The following ILDR2 variants were observed in gnomAD, a reference collection of about 807,000 sequenced individuals.
ILDR2 encodes immunoglobulin like domain containing receptor 2.
In ILDR2, 25 loss-of-function variants were observed where a neutral mutation model predicts 66.8. The ratio of observed to expected loss-of-function variants is 0.37; its 90% CI spans 0.27 to 0.52. The LOEUF is 0.52. Ranked by LOEUF, ILDR2 falls within the 20% of genes least tolerant of loss-of-function variation. ILDR2 has a pLI of 0.88. For synonymous variants in ILDR2, 367 were observed against 357.2 expected (o/e 1.03, Z -0.31); for missense variants, 827 against 876.8 (o/e 0.94, Z 0.72).
At chr1:166,961,821 A>C (rs1190051358) in intron 1 of ILDR2, among the ~76,000 whole-genome samples, 3 of 152,200 alleles carry the variant, frequency 2.0e-5, no homozygotes, top group Admixed American at 6.5e-5. Flanking sequence ...CAGGGCAAAA[A>C]CTGCACAAGA....
intron 1 of ILDR2, among the ~76,000 whole-genome samples, chr1:166,974,366 T>C (rs1252700748): frequency 2.0e-5 from 3 of 152,104 alleles, no homozygotes; most frequent in Non-Finnish European, 2.9e-5. Context: ...TGTATCCCTA[T>C]GGGAATCGGA....
intron 6 of ILDR2, among the ~76,000 whole-genome samples, chr1:166,931,967 G>A (rs1399153448): frequency 1.3e-5 from 2 of 152,186 alleles, no homozygotes; most frequent in African/African-American, 2.4e-5. Flanking sequence ...GTATTGAGGA[G>A]CAAAAGAGAG....
rs59745587 is a variant in ILDR2 at position 166,973,612 on chromosome 1, T to TC, written c.46+1610dup. 2.9e-3 allele frequency among the ~76,000 whole-genome samples: 188 copies of TC among 64,990 alleles called. 6 individuals carry two copies. The highest frequency in any genetic ancestry group is 4.6e-3 in the South Asian group (7 of 1,508). 42.6% of individuals were successfully genotyped at this position (64,990 alleles called of 152,430 possible). A position where few individuals can be genotyped will look rare whatever the true frequency, so the allele number is the denominator to read the frequency against. ...AGAGCACCTCTGACTCAGGGACCCCTCCCCCCCCCCCCCGATGCCTGGCTG... is the reference window on the plus strand; with the variant it reads ...AGAGCACCTCTGACTCAGGGACCCCTCCCCCCCCCCCCCCGATGCCTGGCTG... On this transcript the variant is annotated intron_variant, in intron 1 of 9. Coordinates refer to ENST00000271417, the MANE Select transcript of ILDR2 (RefSeq NM_199351.3).
At position 166,909,804 on chromosome 1, in the gene ILDR2, T is replaced by TAC. The variant is rs1659436797; in HGVS notation, c.*9550_*9551insGT. 2 of 134,932 alleles carry TAC rather than the reference T, an allele frequency of 1.5e-5. No individual in the cohort carries two copies. Among genetic ancestry groups the TAC allele is most frequent in the Non-Finnish European group, 3.1e-5 (2 of 64,062 alleles). The allele number at this position is 134,932 out of a possible 1,614,324, so 8.4% of individuals were successfully genotyped here. A position where few individuals can be genotyped will look rare whatever the true frequency, so the allele number is the denominator to read the frequency against. ...ATTTATATATATATATATATATATA[T>TAC]ATCCTTCTAGCTTTGCTCTACTGGA... is the stretch of plus-strand genomic sequence containing the variant. On this transcript the variant is annotated 3_prime_UTR_variant, in exon 10 of 10. Transcript: ENST00000271417.
At chr1:166,935,162 T>C (rs931942032) in intron 6 of ILDR2, 139 bp downstream of exon 6, 3 of 854,644 alleles carry the variant, frequency 3.5e-6, no homozygotes, top group African/African-American at 3.4e-5. Context: ...ATATCTGACA[T>C]AGCTGGAAGG....
At chr1:166,942,062 C>T (rs1661340490) in intron 3 of ILDR2, among the ~76,000 whole-genome samples, 1 of 152,148 alleles carries the variant, frequency 6.6e-6, no homozygotes, top group African/African-American at 2.4e-5. Flanking sequence ...CTTTCAGGGT[C>T]TCAGTTTTTT....
intron 7 of ILDR2, among the ~76,000 whole-genome samples, chr1:166,925,681 T>G (rs1362705613): frequency 6.6e-6 from 1 of 152,200 alleles, no homozygotes; most frequent in Non-Finnish European, 1.5e-5. Context: ...CCTAGGCTTC[T>G]GTTTCCTCAC....
At chr1:166,897,667 A>T (rs576343785) in intron 2 of ILDR2, among the ~76,000 whole-genome samples, 4 of 152,214 alleles carry the variant, frequency 2.6e-5, no homozygotes, top group Non-Finnish European at 4.4e-5. Flanking sequence ...ACTCTGGACA[A>T]CAGTGCTCAG....
rs144085029 is a variant in ILDR2 at position 166,933,460 on chromosome 1, G to A, written c.880+1841C>T. 1.7e-4 allele frequency: 106 copies of A among 607,392 alleles called. No individual in the cohort carries two copies. In the African/African-American group the frequency reaches 2.0e-3, roughly 11 times the overall value. 37.6% of individuals were successfully genotyped at this position (607,392 alleles called of 1,614,324 possible). On this transcript the variant is annotated intron_variant, in intron 6 of 9. Transcript: ENST00000271417. ...ACTAGGTCCTTCAGGGCTGCCACCT[G>A]AACTGTTCTATTAACCAACCCTGGA...
At chr1:166,933,410 G>A (rs1455440386) in intron 6 of ILDR2, 1 of 197,932 alleles carries the variant, frequency 5.1e-6, no homozygotes, top group Non-Finnish European at 9.1e-6. Context: ...GATGTGCTCA[G>A]GATAACAGAA....
chr1:166,955,652 C>T (rs1230587908), intron 3 of ILDR2, among the ~76,000 whole-genome samples: 1 of 152,082 alleles, frequency 6.6e-6, no homozygotes, highest in East Asian at 1.9e-4. Flanking sequence ...AATAACAAAA[C>T]ATAATGCTAA....
At chr1:166,931,318 C>G (rs1331723421) in intron 6 of ILDR2, among the ~76,000 whole-genome samples, 1 of 152,178 alleles carries the variant, frequency 6.6e-6, no homozygotes, top group Non-Finnish European at 1.5e-5. Flanking sequence ...TCTTCCTGTC[C>G]TATCTTAATA....
intron 1 of ILDR2, among the ~76,000 whole-genome samples, chr1:166,962,891 G>T (rs535562663): frequency 6.6e-6 from 1 of 152,098 alleles, no homozygotes; most frequent in African/African-American, 2.4e-5. Context: ...TTTGATCTAA[G>T]AAATCTGATT....
Position 166,922,806 on chromosome 1 carries a change from T to C in ILDR2, c.998A>G (p.Asn333Ser), listed in dbSNP as rs750602025. 1 of 1,613,782 alleles carries C rather than the reference T, an allele frequency of 6.2e-7. No individual in the cohort carries two copies. The highest frequency in any genetic ancestry group is 1.1e-5 in the South Asian group (1 of 91,068). The stretch of plus-strand genomic sequence containing the variant: ...GGAGCTGAGTTCTGAGATGGTGTTG[T>C]TATCTGCAGGGACAAAATCAGGCAT... ...DPARRMRGRYNNTISELSSLH... is the reference protein window; with the variant it reads ...DPARRMRGRYSNTISELSSLH... Residue 333 changes from asparagine to serine, a missense_variant, in exon 8 of 10, where the codon AAC becomes AGC. By Grantham distance (46) the Asn-to-Ser change is conservative (BLOSUM62 1). Coordinates refer to ENST00000271417, the MANE Select transcript of ILDR2 (RefSeq NM_199351.3).
In ILDR2 at chr1:166,914,627, G is replaced by C. The variant is rs1659574357; in HGVS notation, c.*4728C>G. On this transcript the variant is annotated 3_prime_UTR_variant, in exon 10 of 10. Coordinates refer to ENST00000271417, the MANE Select transcript of ILDR2 (RefSeq NM_199351.3). Reference sequence around the variant, plus strand: ...CTTCTCCCCTTCAAATAGTGCTAAAGCTCAGGCTGCTGCTTAAAGCATCTC... The same window carrying C: ...CTTCTCCCCTTCAAATAGTGCTAAACCTCAGGCTGCTGCTTAAAGCATCTC... 1 of 152,172 alleles carries C rather than the reference G, an allele frequency of 6.6e-6. No individual in the cohort carries two copies. The highest frequency in any genetic ancestry group is 6.5e-5 in the Admixed American group (1 of 15,282). 9.4% of individuals were successfully genotyped at this position (152,172 alleles called of 1,614,324 possible).
At chr1:166,950,585 A>G (rs1661915981) in intron 3 of ILDR2, among the ~76,000 whole-genome samples, 1 of 152,138 alleles carries the variant, frequency 6.6e-6, no homozygotes, top group Non-Finnish European at 1.5e-5. Context: ...CCCTAAAGTC[A>G]ATCGCAAATT....
In ILDR2 at chr1:166,936,748, GCA is replaced by G. The variant is rs560797643; in HGVS notation, c.557-13_557-12del. 2.9e-4 allele frequency: 471 copies of G among 1,613,934 alleles called. 7 individuals carry two copies. The South Asian group carries it at 4.6e-3, about 16-fold the overall frequency. ...CAACAAACACCCACTCTGGAAGGAT[GCA>G]CAAAGAAATCCACACTCGAGGCAGC... On this transcript the variant is annotated splice_polypyrimidine_tract_variant and intron_variant, in intron 4 of 9. Coordinates refer to ENST00000271417, the MANE Select transcript of ILDR2 (RefSeq NM_199351.3). The surrounding 1 kb of genome is among the most constrained non-coding windows in gnomAD (Gnocchi z 5.0).
chr1:166,957,366 C>T (rs1399816600), intron 2 of ILDR2, among the ~76,000 whole-genome samples: 3 of 152,144 alleles, frequency 2.0e-5, no homozygotes, highest in African/African-American at 7.2e-5. Flanking sequence ...TGTATGCATA[C>T]GTCCCTTCTC....
At position 166,920,942 on chromosome 1, in the gene ILDR2, G is replaced by A. The variant is rs1659888311; in HGVS notation, c.1649C>T (p.Thr550Met). 1 of 1,484,568 alleles carries A rather than the reference G, an allele frequency of 6.7e-7. No homozygotes were observed. The allele number at this position is 1,484,568 out of a possible 1,614,324, so 92.0% of individuals were successfully genotyped here. ...EGASRGGSLE[T>M]PSKRSAQLGP... Reference sequence around the variant, plus strand: ...GAGCTGCGCGCTCCGCTTGGATGGCGTCTCCAGGCTGCCACCGCGGCTGGC... The same window carrying A: ...GAGCTGCGCGCTCCGCTTGGATGGCATCTCCAGGCTGCCACCGCGGCTGGC... The change falls in exon 9 of 10, where the codon ACG becomes ATG. Residue 550 changes from threonine to methionine, a missense_variant. Transcript: ENST00000271417.
Sources: gnomAD v4.1 joint callset for allele counts (sites outside exome capture counted in the v4.1 genomes callset) on GRCh38, gnomAD v4.1.1 for gene constraint, Gnocchi (gnomAD v3.1) non-coding constraint, MANE v1.5 for transcripts, NCBI Gene and HGNC (gene_info 2026-07-23, HGNC 2026-07-21) for gene names.